UBAP2L: variants seen among roughly 807,000 people sequenced by gnomAD.
UBAP2L encodes the protein ubiquitin associated protein 2 like.
Under a neutral mutation model 130.6 loss-of-function variants are expected in UBAP2L, and 12 were observed. That is an observed-to-expected ratio of 0.09 (90% CI 0.06 to 0.15). The LOEUF (loss-of-function observed/expected upper bound fraction) is 0.15, where lower values mean the gene tolerates loss of function less well. Ranked by LOEUF, UBAP2L falls within the 10% of genes least tolerant of loss-of-function variation. UBAP2L has a pLI of 1.00. For missense variants in UBAP2L, 965 were observed against 1,332.5 expected (o/e 0.72, Z 4.29); for synonymous variants, 503 against 524.7 (o/e 0.96, Z 0.57).
At position 154,243,201 on chromosome 1, in the gene UBAP2L, T is replaced by G. The variant is rs770982914; in HGVS notation, c.757-16T>G. ...CATCCCTGACACCAAGAGTGACTAATCCCTCTGTTTTCCAGCTTTCTGAGA... is the reference window on the plus strand; with the variant it reads ...CATCCCTGACACCAAGAGTGACTAAGCCCTCTGTTTTCCAGCTTTCTGAGA... On this transcript the variant is annotated splice_polypyrimidine_tract_variant and intron_variant, in intron 9 of 26. Transcript: ENST00000428931. 1.5e-5 allele frequency: 24 copies of G among 1,607,940 alleles called. No individual in the cohort carries two copies. Among genetic ancestry groups the G allele is most frequent in the Non-Finnish European group, 2.0e-5 (24 of 1,175,124 alleles).
chr1:154,264,074 G>A (rs1682477038), intron 24 of UBAP2L, among the ~76,000 whole-genome samples: 1 of 152,216 alleles, frequency 6.6e-6, no homozygotes, highest in Non-Finnish European at 1.5e-5. Flanking sequence ...CTAAGGATGT[G>A]CAGGAGCGGT....
intron 8 of UBAP2L, among the ~76,000 whole-genome samples, chr1:154,239,908 T>C (rs1157657581): frequency 2.6e-5 from 4 of 152,230 alleles, no homozygotes; most frequent in Non-Finnish European, 5.9e-5. Flanking sequence ...ATATTGTCAT[T>C]ATTAAGTGGT....
intron 3 of UBAP2L, among the ~76,000 whole-genome samples, 189 bp downstream of exon 3, chr1:154,227,548 G>GTTTTTTTTTTT (rs140500910): frequency 6.7e-6 from 1 of 149,656 alleles, no homozygotes. Flanking sequence ...CCTTTGTTTT[G>GTTTTTTTTTTT]TTTTTTGTTT....
intron 4 of UBAP2L, among the ~76,000 whole-genome samples, chr1:154,230,333 CAG>C (rs1450181958): frequency 6.6e-6 from 1 of 152,220 alleles, no homozygotes; most frequent in African/African-American, 2.4e-5. Context: ...TCTGATACTA[CAG>C]AGTCACTCCA....
intron 10 of UBAP2L, among the ~76,000 whole-genome samples, chr1:154,245,789 A>C (rs989054920): frequency 2.6e-5 from 4 of 151,852 alleles, no homozygotes. Flanking sequence ...GCGTGGTGGC[A>C]GGCACCTGTA....
intron 8 of UBAP2L, among the ~76,000 whole-genome samples, chr1:154,240,704 C>A (rs999596826): frequency 6.6e-6 from 1 of 152,050 alleles, no homozygotes; most frequent in African/African-American, 2.4e-5. Context: ...CAAACCCACC[C>A]TTCTTCACTG....
chr1:154,223,941 A>T (rs1192219759), intron 1 of UBAP2L, among the ~76,000 whole-genome samples: 2 of 152,212 alleles, frequency 1.3e-5, no homozygotes, highest in African/African-American at 4.8e-5. Context: ...AGAGCAGAAA[A>T]GTATAAACTT....
At position 154,228,535 on chromosome 1, in the gene UBAP2L, G is replaced by A. The variant is rs116021863; in HGVS notation, c.169-80G>A. 1.4e-3 allele frequency: 1,507 copies of A among 1,085,446 alleles called. 18 individuals carry two copies. The African/African-American group carries it at 0.021, about 15-fold the overall frequency. 67.2% of individuals were successfully genotyped at this position (1,085,446 alleles called of 1,614,324 possible). ...GTTTTTTTCAAACTCAACTGATAGC[G>A]TTTCCCTTCACCTAGTTTCCTTTCA... On this transcript the variant is annotated intron_variant, in intron 3 of 26. Transcript: ENST00000428931.
intron 25 of UBAP2L, among the ~76,000 whole-genome samples, chr1:154,267,880 C>CTTTTTTT (rs869153080): frequency 0.015 from 755 of 52,060 alleles, 121 homozygotes; most frequent in East Asian, 0.029. Flanking sequence ...CTTATTTGGT[C>CTTTTTTT]TTTTTTTTTT....
intron 3 of UBAP2L, among the ~76,000 whole-genome samples, chr1:154,228,243 A>T (rs1668632747): frequency 6.6e-6 from 1 of 151,514 alleles, no homozygotes; most frequent in Non-Finnish European, 1.5e-5. Context: ...GCTAGAGTGC[A>T]GTGGCGCAAT....
rs1417516923 is a variant in UBAP2L at position 154,268,936 on chromosome 1, C to G, written c.3150C>G (p.His1050Gln). The change falls in exon 26 of 27, where the codon CAC becomes CAG. Residue 1050 changes from histidine (H) to glutamine (Q), a missense_variant. Physicochemically the swap from His to Gln is conservative, Grantham distance 24 (BLOSUM62 0). Coordinates refer to ENST00000428931, the MANE Select transcript of UBAP2L (RefSeq NM_014847.4). ...QQPHSQILHH[H>Q]LQQDGQTGSG... ...CGCATTCTCAGATCCTTCACCATCACCTGCAGCAGGATGGCCAGGTAATAG... is the reference window on the plus strand; with the variant it reads ...CGCATTCTCAGATCCTTCACCATCAGCTGCAGCAGGATGGCCAGGTAATAG... 3 of 1,613,766 alleles carry G rather than the reference C, an allele frequency of 1.9e-6. No individual in the cohort carries two copies. Among genetic ancestry groups the G allele is most frequent in the South Asian group, 2.2e-5 (2 of 91,052 alleles).
rs141047294 is a variant in UBAP2L at position 154,254,340 on chromosome 1, G to T, written c.1854+251G>T. Reference sequence around the variant, plus strand: ...GCCTCTAGTAGAATCAGTCTCAAGTGCCTGTCCTGTCTTCTGGGAAGATGT... The same window carrying T: ...GCCTCTAGTAGAATCAGTCTCAAGTTCCTGTCCTGTCTTCTGGGAAGATGT... On this transcript the variant is annotated intron_variant, in intron 15 of 26. Transcript: ENST00000428931. 1.2e-3 allele frequency among the ~76,000 whole-genome samples: 176 copies of T among 152,310 alleles called. 1 individual carries two copies. The highest frequency in any genetic ancestry group is 4.1e-3 in the African/African-American group (172 of 41,558).
At position 154,234,710 on chromosome 1, in the gene UBAP2L, A is replaced by C. The variant is rs985042195; in HGVS notation, c.399A>C (p.Arg133=). The change falls in exon 5 of 27, where the codon CGA becomes CGC. Residue 133 remains arginine, a synonymous_variant. Coordinates refer to ENST00000428931, the MANE Select transcript of UBAP2L (RefSeq NM_014847.4). ...ACCGGGACAGAGACTATAGTCGGCG[A>C]CGTGGTGGGCCACCAAGACGGGGGA... ...NRDRDRDYSR[R]RGGPPRRGRG... 4 of 1,612,326 alleles carry C rather than the reference A, an allele frequency of 2.5e-6. No homozygotes were observed. The highest frequency in any genetic ancestry group is 3.4e-6 in the Non-Finnish European group (4 of 1,179,216).
chr1:154,255,087 G>A (rs1679188967), intron 16 of UBAP2L, 65 bp from the exon 17 acceptor site: 2 of 1,565,018 alleles, frequency 1.3e-6, no homozygotes, highest in South Asian at 2.3e-5. Flanking sequence ...CTTGGACTGT[G>A]GTCACCTCTC....
chr1:154,262,503 T>C (rs1382038894), intron 24 of UBAP2L, among the ~76,000 whole-genome samples: 1 of 152,184 alleles, frequency 6.6e-6, no homozygotes, highest in African/African-American at 2.4e-5. Flanking sequence ...GTTTCTCTGA[T>C]TGCTTAGGGT....
chr1:154,224,852 A>T (rs1411562600), intron 1 of UBAP2L, among the ~76,000 whole-genome samples: 2 of 152,186 alleles, frequency 1.3e-5, no homozygotes, highest in South Asian at 2.1e-4. Flanking sequence ...GTAACTTCTT[A>T]AAAAAATCCA....
At position 154,264,757 on chromosome 1, in the gene UBAP2L, AT is replaced by A. The variant is rs377017924; in HGVS notation, c.2903-1734del. On this transcript the variant is annotated intron_variant, in intron 24 of 26. Coordinates refer to ENST00000428931, the MANE Select transcript of UBAP2L (RefSeq NM_014847.4). ...CAACTATGCTATTTTTTATTTTTTT[AT>A]TTTTTTTTTGCCTTTGCAGTAAAGA... Among the ~76,000 whole-genome samples, 906 of 146,888 alleles carry A rather than the reference AT, an allele frequency of 6.2e-3. 13 individuals are homozygous for A. Among genetic ancestry groups the A allele is most frequent in the Middle Eastern group, 0.024 (7 of 288 alleles).
chr1:154,270,808 TGGATTAATGTGTCTTGTATATATAAAA>T lies in UBAP2L; in HGVS notation c.*514_*540del. 7.5e-7 allele frequency: 1 copy of T among 1,336,252 alleles called. No homozygotes were observed. Among genetic ancestry groups the T allele is most frequent in the Non-Finnish European group, 9.7e-7 (1 of 1,030,778 alleles). 82.8% of individuals were successfully genotyped at this position (1,336,252 alleles called of 1,614,324 possible). ...TTTTGTACTGTGTCCTCAAATTTAA[TGGATTAATGTGTCTTGTATATATAAAA>T]AGAAAACCTCTACCTTCAGCCTCTG... On this transcript the variant is annotated 3_prime_UTR_variant, in exon 27 of 27. Transcript: ENST00000428931.
In UBAP2L at chr1:154,269,124, G is replaced by A. The variant is rs535661036; in HGVS notation, c.3168+170G>A. 8 of 939,876 alleles carry A rather than the reference G, an allele frequency of 8.5e-6. No homozygotes were observed. The South Asian group carries it at 8.7e-5, about 10-fold the overall frequency. The allele number at this position is 939,876 out of a possible 1,614,324, so 58.2% of individuals were successfully genotyped here. On this transcript the variant is annotated intron_variant, in intron 26 of 26. Transcript: ENST00000428931. ...AGACACAAGCGCACATAACACGAGCGGCCGGCAAAGGAAATCTCAGAGAAG... is the reference window on the plus strand; with the variant it reads ...AGACACAAGCGCACATAACACGAGCAGCCGGCAAAGGAAATCTCAGAGAAG...
Sources: gnomAD v4.1 joint callset for allele counts (sites outside exome capture counted in the v4.1 genomes callset) on GRCh38, gnomAD v4.1.1 for gene constraint, MANE v1.5 for transcripts, NCBI Gene and HGNC (gene_info 2026-07-23, HGNC 2026-07-21) for gene names.